The following LRP4 variants were observed in gnomAD, a reference collection of about 807,000 sequenced individuals.
LRP4 encodes LDL receptor related protein 4.
LRP4 carries 95 observed loss-of-function variants against 220.3 expected under a neutral mutation model. The ratio of observed to expected loss-of-function variants is 0.43; its 90% CI spans 0.37 to 0.51. The LOEUF is 0.51. Ranked by LOEUF, LRP4 falls within the 20% of genes least tolerant of loss-of-function variation. LRP4 has a pLI of 0.00. For synonymous variants in LRP4, 903 were observed against 954.6 expected, an observed-to-expected ratio of 0.95 and a Z score of 1.00; for missense variants, 1,925 against 2,567.0, an observed-to-expected ratio of 0.75 and a Z score of 5.40.
Position 46,899,269 on chromosome 11 carries a change from G to T in LRP4, c.547+118C>A. ...CTAGCTCAGCCTAGGAGGAGCTGCT[G>T]CTGAGGCACCCATGCTCCTTGCCCT... On this transcript the variant is annotated intron_variant, in intron 5 of 37. Coordinates refer to ENST00000378623, the MANE Select transcript of LRP4 (RefSeq NM_002334.4). This position sits in a 1 kb window ranked among gnomAD's most constrained non-coding sequence, Gnocchi z 5.9. 1 of 962,592 alleles carries T rather than the reference G, an allele frequency of 1.0e-6. No homozygotes were observed. The allele number at this position is 962,592 out of a possible 1,614,324, so 59.6% of individuals were successfully genotyped here. A position where few individuals can be genotyped will look rare whatever the true frequency, so the allele number is the denominator to read the frequency against.
intron 31 of LRP4, among the ~76,000 whole-genome samples, chr11:46,870,457 C>T (rs1404801423): frequency 6.6e-6 from 1 of 152,100 alleles, no homozygotes; most frequent in Non-Finnish European, 1.5e-5. Context: ...TAGCATCTTG[C>T]TCTGTTGCCC....
chr11:46,889,744 A>G (rs1941380046), intron 15 of LRP4, 200 bp downstream of exon 15: 1 of 824,818 alleles, frequency 1.2e-6, no homozygotes, highest in Admixed American at 2.1e-5. Context: ...GGGAACGGTG[A>G]AGTCTAATGA....
At chr11:46,911,485 T>G (rs1422447839) in intron 1 of LRP4, among the ~76,000 whole-genome samples, 1 of 151,874 alleles carries the variant, frequency 6.6e-6, no homozygotes, top group African/African-American at 2.4e-5. Context: ...TCTGGAAACC[T>G]TTTAAAGTCT....
chr11:46,868,852 A>T, intron 32 of LRP4, 136 bp downstream of exon 32: 1 of 1,350,600 alleles, frequency 7.4e-7, no homozygotes, highest in East Asian at 2.3e-5. Context: ...GCGAGGGAGT[A>T]AAAAGTTCTA....
chr11:46,899,509 G>A lies in LRP4; in HGVS notation c.431-6C>T, dbSNP rs1358628968. ...GTCGGAGCACTTGCGCATGTCTGGG[G>A]GGATGCGATGGGACAGCAGTTCTGA... is the stretch of plus-strand genomic sequence containing the variant. On this transcript the variant is annotated splice_polypyrimidine_tract_variant and splice_region_variant and intron_variant, in intron 4 of 37. Transcript: ENST00000378623. The surrounding 1 kb of genome is among the most constrained non-coding windows in gnomAD (Gnocchi z 5.9). 6.3e-7 allele frequency: 1 copy of A among 1,596,754 alleles called. No homozygotes were observed. Among genetic ancestry groups the A allele is most frequent in the South Asian group, 1.1e-5 (1 of 90,794 alleles).
chr11:46,889,507 CGTT>C lies in LRP4; in HGVS notation c.2116_2118del (p.Asn706del), dbSNP rs1565792675. 4.3e-6 allele frequency: 7 copies of C among 1,613,990 alleles called. No individual in the cohort carries two copies. The highest frequency in any genetic ancestry group is 3.3e-5 in the Admixed American group (2 of 60,016). ...GGCAGACACAGGTGCGTGCAGCCTC[CGTT>C]GTTGTCCCCACAGCGGTTTTTCCCT... On this transcript the variant is annotated inframe_deletion, in exon 16 of 38. Transcript: ENST00000378623.
chr11:46,869,751 A>G (rs1298639321), intron 31 of LRP4, among the ~76,000 whole-genome samples: 1 of 152,128 alleles, frequency 6.6e-6, no homozygotes, highest in African/African-American at 2.4e-5. Context: ...ATGCAGTAGT[A>G]CCCTGTAGTT....
chr11:46,894,524 T>C, intron 12 of LRP4, 65 bp downstream of exon 12: 1 of 1,306,762 alleles, frequency 7.7e-7, no homozygotes, highest in South Asian at 1.3e-5. Flanking sequence ...CACTGGCCTA[T>C]TCCTCCCACC....
At chr11:46,891,232 G>A (rs1438223844) in intron 13 of LRP4, among the ~76,000 whole-genome samples, 1 of 151,800 alleles carries the variant, frequency 6.6e-6, no homozygotes, top group South Asian at 2.1e-4. Context: ...TCCTGCCTCA[G>A]CCTCCCAAGT....
chr11:46,889,767 A>G (rs1338424852), intron 15 of LRP4, 177 bp downstream of exon 15: 1 of 851,036 alleles, frequency 1.2e-6, no homozygotes, highest in East Asian at 2.6e-5. Flanking sequence ...CTTTTCGTGA[A>G]TCTTGTTGTA....
Position 46,873,006 on chromosome 11 carries a change from G to C in LRP4, c.4583+94C>G. The stretch of plus-strand genomic sequence containing the variant: ...ATTCCTCTTCCCCACATACCAAGAA[G>C]CTTTCTATCTTTTCATTTTTCCAAG... On this transcript the variant is annotated intron_variant, in intron 30 of 37. Transcript: ENST00000378623. This position sits in a 1 kb window ranked among gnomAD's most constrained non-coding sequence, Gnocchi z 4.2. The C allele has an allele frequency of 1.3e-6, 2 of 1,534,118 alleles. No individual in the cohort carries two copies. The highest frequency in any genetic ancestry group is 1.8e-6 in the Non-Finnish European group (2 of 1,109,994).
At chr11:46,917,564 T>TG (rs1941966280) in intron 1 of LRP4, among the ~76,000 whole-genome samples, 1 of 152,190 alleles carries the variant, frequency 6.6e-6, no homozygotes, top group African/African-American at 2.4e-5. Context: ...GGCTGCCTTC[T>TG]GGGGTTCAGG....
chr11:46,876,110 T>C, intron 25 of LRP4, 144 bp from the exon 26 acceptor site: 2 of 839,930 alleles, frequency 2.4e-6, no homozygotes, highest in Admixed American at 4.0e-5. Context: ...CTTTGCAAAA[T>C]ACTTCATGTG....
At chr11:46,903,068 A>ATGGTTTTACTGCCT in intron 1 of LRP4, 139 bp from the exon 2 acceptor site, 1 of 1,027,256 alleles carries the variant, frequency 9.7e-7, no homozygotes, top group Non-Finnish European at 1.5e-6. Context: ...AGATGCAGGC[A>ATGGTTTTACTGCCT]GTAAAACCAT....
At chr11:46,864,184 T>A (rs1336031241) in intron 36 of LRP4, among the ~76,000 whole-genome samples, 1 of 152,198 alleles carries the variant, frequency 6.6e-6, no homozygotes, top group African/African-American at 2.4e-5. Flanking sequence ...TTGGGTAATA[T>A]CCTCTGTGCA....
Position 46,896,288 on chromosome 11 carries a change from A to T in LRP4, c.970T>A (p.Cys324Ser), listed in dbSNP as rs2134854401. 1 of 1,614,156 alleles carries T rather than the reference A, an allele frequency of 6.2e-7. No individual in the cohort carries two copies. The highest frequency in any genetic ancestry group is 1.1e-5 in the South Asian group (1 of 91,092). Residue 324 changes from cysteine to serine, a missense_variant, in exon 9 of 38, where the codon TGC becomes AGC. Physicochemically the swap from Cys to Ser is moderately radical, Grantham distance 112. Coordinates refer to ENST00000378623, the MANE Select transcript of LRP4 (RefSeq NM_002334.4). ...TTGCACAGCTTCCTCTGCCCAATGC[A>T]GCGCCCATTCCAACACAGGAACTGG... is the stretch of plus-strand genomic sequence containing the variant. ...LDQFLCWNGR[C>S]IGQRKLCNGV... is the part of the protein sequence containing the mutation.
intron 1 of LRP4, among the ~76,000 whole-genome samples, chr11:46,917,000 G>C (rs969437809): frequency 6.6e-6 from 1 of 152,244 alleles, no homozygotes; most frequent in Non-Finnish European, 1.5e-5. Context: ...CCGCTCTTCG[G>C]AGAGAAAGAG....
At chr11:46,861,666 CA>C (rs1464768038) in intron 37 of LRP4, among the ~76,000 whole-genome samples, 7 of 151,790 alleles carry the variant, frequency 4.6e-5, no homozygotes, top group Non-Finnish European at 1.0e-4. Context: ...GCTGGGACTA[CA>C]GGCACAAGCC....
At chr11:46,895,330 C>T (rs771593311) in intron 10 of LRP4, 39 bp from the exon 11 acceptor site, 20 of 1,607,042 alleles carry the variant, frequency 1.2e-5, no homozygotes, top group South Asian at 2.2e-5. Flanking sequence ...TCCCTTCTGT[C>T]GTCCTCCCAC....
Sources: gnomAD v4.1 joint callset for allele counts (sites outside exome capture counted in the v4.1 genomes callset) on GRCh38, gnomAD v4.1.1 for gene constraint, Gnocchi (gnomAD v3.1) non-coding constraint, MANE v1.5 for transcripts, NCBI Gene and HGNC (gene_info 2026-07-23, HGNC 2026-07-21) for gene names.